Variants in HDAC4 observed in about 807,000 individuals in gnomAD.
The protein encoded by HDAC4 is histone deacetylase A.
In HDAC4, 16 loss-of-function variants were observed where a neutral mutation model predicts 135.1. That is an observed-to-expected ratio of 0.12 (90% CI 0.08 to 0.18). The LOEUF is 0.18. Among genes scored for constraint, HDAC4 ranks in the 10% least tolerant of loss-of-function variants. The probability of loss-of-function intolerance (pLI) is 1.00; values close to 1 mark genes in which losing one functional copy is unlikely to be tolerated. For synonymous variants in HDAC4, 685 were observed against 653.4 expected (o/e 1.05, Z -0.74); for missense variants, 1,143 against 1,511.8 (o/e 0.76, Z 4.05).
intron 1 of HDAC4, among the ~76,000 whole-genome samples, chr2:239,395,965 A>G (rs996129419): frequency 3.9e-5 from 6 of 152,138 alleles, no homozygotes; most frequent in African/African-American, 1.2e-4. Context: ...ATGTTTATAC[A>G]TTACATATAT....
chr2:239,151,278 T>C (rs2042102149), intron 7 of HDAC4, among the ~76,000 whole-genome samples: 1 of 152,182 alleles, frequency 6.6e-6, no homozygotes, highest in African/African-American at 2.4e-5. Context: ...AGCCATGAAG[T>C]GGATGCCCAC....
chr2:239,377,730 C>A lies in HDAC4; in HGVS notation c.-220+23248G>T, dbSNP rs1315205982. On this transcript the variant is annotated intron_variant, in intron 1 of 26. Transcript: ENST00000543185. ...ACCAGTATTATGTGCAGAGACCCAACGTGGTGAAAAGACCCCCAGGACCCT... is the reference window on the plus strand; with the variant it reads ...ACCAGTATTATGTGCAGAGACCCAAAGTGGTGAAAAGACCCCCAGGACCCT... Among the ~76,000 whole-genome samples, 3 of 152,292 alleles carry A rather than the reference C, an allele frequency of 2.0e-5. No homozygotes were observed. In the South Asian group the frequency reaches 6.2e-4, roughly 32 times the overall value.
chr2:239,177,526 G>A (rs1257577559), intron 4 of HDAC4, among the ~76,000 whole-genome samples: 8 of 152,222 alleles, frequency 5.3e-5, no homozygotes, highest in Admixed American at 4.6e-4. Flanking sequence ...ACGCCCCAGC[G>A]GGTGGAGTGT....
At chr2:239,124,134 G>A (rs2039925628) in intron 12 of HDAC4, among the ~76,000 whole-genome samples, 2 of 152,132 alleles carry the variant, frequency 1.3e-5, no homozygotes, top group South Asian at 4.1e-4. Context: ...TTTCTTCCTT[G>A]TAACAGCTTT....
At chr2:239,071,618 G>T (rs1052328008) in intron 22 of HDAC4, among the ~76,000 whole-genome samples, 1 of 151,926 alleles carries the variant, frequency 6.6e-6, no homozygotes, top group Non-Finnish European at 1.5e-5. Flanking sequence ...GCTGTGACTG[G>T]GCCACCTCTG....
chr2:239,286,461 G>C (rs1298769776), intron 2 of HDAC4, among the ~76,000 whole-genome samples: 1 of 152,168 alleles, frequency 6.6e-6, no homozygotes, highest in Non-Finnish European at 1.5e-5. Flanking sequence ...AAAGTCCAAG[G>C]AGAGTTGAAA....
chr2:239,064,148 T>G (rs555985970), intron 24 of HDAC4, among the ~76,000 whole-genome samples: 25 of 152,368 alleles, frequency 1.6e-4, no homozygotes, highest in African/African-American at 6.0e-4. Context: ...TTCCCTGGCC[T>G]GGAAAAGCTC....
chr2:239,209,976 C>T (rs1257672499), intron 3 of HDAC4, among the ~76,000 whole-genome samples: 1 of 152,128 alleles, frequency 6.6e-6, no homozygotes, highest in African/African-American at 2.4e-5. Context: ...GGTGGAGAGG[C>T]AGGGAGCGGG....
Position 239,141,142 on chromosome 2 carries a change from A to G in HDAC4, c.866-1346T>C, listed in dbSNP as rs1279431033. On this transcript the variant is annotated intron_variant, in intron 8 of 26. Coordinates refer to ENST00000543185, the MANE Select transcript of HDAC4 (RefSeq NM_001378414.1). This position sits in a 1 kb window ranked among gnomAD's most constrained non-coding sequence, Gnocchi z 4.9. ...GTCCCAGGCCACGTGGCTTGAGGGA[A>G]CTGTCATGGGCGTCTGCATACCAGA... Among the ~76,000 whole-genome samples the G allele has an allele frequency of 6.6e-6, 1 of 152,124 alleles. No homozygotes were observed. Among genetic ancestry groups the G allele is most frequent in the East Asian group, 1.9e-4 (1 of 5,164 alleles).
intron 2 of HDAC4, among the ~76,000 whole-genome samples, chr2:239,343,049 C>A (rs980342002): frequency 3.3e-5 from 5 of 152,192 alleles, no homozygotes; most frequent in African/African-American, 9.7e-5. Context: ...CCCACCAATG[C>A]GTATCACTCC....
In HDAC4 at chr2:239,095,047, G is replaced by A; in HGVS notation, c.2243C>T (p.Ala748Val). Reference protein sequence around the residue: ...LDSKKLLGSLASVFVRLPCGG... With the variant: ...LDSKKLLGSLVSVFVRLPCGG... The stretch of plus-strand genomic sequence containing the variant: ...GCAAGGGAGCCGGACGAACACGGAG[G>A]CGAGCGAGCCTGTGGGGGGGAGGGA... The change falls in exon 17 of 27, where the codon GCC becomes GTC. Residue 748 changes from alanine to valine, a missense_variant. This residue lies in a region of HDAC4 where 49 missense variants were observed against 55.6 expected (regional missense o/e 0.88). Transcript: ENST00000543185. 6.2e-7 allele frequency: 1 copy of A among 1,613,824 alleles called. No individual in the cohort carries two copies. Among genetic ancestry groups the A allele is most frequent in the South Asian group, 1.1e-5 (1 of 91,086 alleles).
At chr2:239,057,231 AAAAAT>A (rs2031992274) in intron 24 of HDAC4, among the ~76,000 whole-genome samples, 1 of 152,234 alleles carries the variant, frequency 6.6e-6, no homozygotes, top group Admixed American at 6.5e-5. Context: ...CAGACTATCC[AAAAAT>A]AAAAAGTTTA....
intron 8 of HDAC4, among the ~76,000 whole-genome samples, 170 bp downstream of exon 8, chr2:239,144,413 C>T (rs965890235): frequency 2.0e-5 from 3 of 152,198 alleles, no homozygotes; most frequent in Non-Finnish European, 2.9e-5. Context: ...GTCATCAAAC[C>T]TGGTCCCCTG....
At chr2:239,340,577 T>A (rs1245592342) in intron 2 of HDAC4, among the ~76,000 whole-genome samples, 1 of 152,194 alleles carries the variant, frequency 6.6e-6, no homozygotes. Context: ...TCAGATGGCC[T>A]CTGCACCTTA....
chr2:239,254,462 GA>G (rs1360837871), intron 2 of HDAC4, among the ~76,000 whole-genome samples: 5 of 151,570 alleles, frequency 3.3e-5, no homozygotes, highest in African/African-American at 1.2e-4. Context: ...TATCATGAAG[GA>G]AAAAAACCTG....
intron 3 of HDAC4, among the ~76,000 whole-genome samples, chr2:239,233,093 C>G (rs1182257561): frequency 6.6e-6 from 1 of 152,244 alleles, no homozygotes; most frequent in Non-Finnish European, 1.5e-5. Flanking sequence ...ATAATACTAA[C>G]AACATGTCTG....
rs144056872 is a variant in HDAC4, at chr2:239,159,588, C to A, written c.612-2815G>T. On this transcript the variant is annotated intron_variant, in intron 6 of 26. Coordinates refer to ENST00000543185, the MANE Select transcript of HDAC4 (RefSeq NM_001378414.1). Reference sequence around the variant, plus strand: ...CTCACACCTGTCACCTTTCCCACACCTCACACTCATACCCCACACTCACCT... The same window carrying A: ...CTCACACCTGTCACCTTTCCCACACATCACACTCATACCCCACACTCACCT... Among the ~76,000 whole-genome samples the A allele has an allele frequency of 4.2e-3, 644 of 151,746 alleles. 2 individuals carry two copies. The highest frequency in any genetic ancestry group is 0.031 in the Middle Eastern group (9 of 290).
In HDAC4 at chr2:239,126,586, C is replaced by T. The variant is rs2040204082; in HGVS notation, c.1403G>A (p.Gly468Glu). 1.2e-6 allele frequency: 2 copies of T among 1,613,884 alleles called. No individual in the cohort carries two copies. The highest frequency in any genetic ancestry group is 1.7e-6 in the Non-Finnish European group (2 of 1,179,994). Reference sequence around the variant, plus strand: ...GGGCAGCGGGGCCGACTGGGTCCGCCCCAGTGGGCGGTGCTGCCGCAGCTT... The same window carrying T: ...GGGCAGCGGGGCCGACTGGGTCCGCTCCAGTGGGCGGTGCTGCCGCAGCTT... Reference protein sequence around the residue: ...IHKLRQHRPLGRTQSAPLPQN... With the variant: ...IHKLRQHRPLERTQSAPLPQN... The change falls in exon 12 of 27, where the codon GGG becomes GAG. Residue 468 changes from glycine to glutamate, a missense_variant. Gly to Glu is a moderately conservative substitution (Grantham distance 98). This residue lies in a region of HDAC4 where 272 missense variants were observed against 309.7 expected (regional missense o/e 0.88). Transcript: ENST00000543185.
chr2:239,219,882 C>T (rs2046853571), intron 3 of HDAC4, among the ~76,000 whole-genome samples: 1 of 152,206 alleles, frequency 6.6e-6, no homozygotes, highest in African/African-American at 2.4e-5. Context: ...ACACAGAACA[C>T]ACAGAATGAA....
Sources: allele counts gnomAD v4.1 joint callset (sites outside exome capture counted in the v4.1 genomes callset), GRCh38; gene constraint gnomAD v4.1.1; regional missense constraint gnomAD v4.1.1; non-coding constraint Gnocchi (gnomAD v3.1); transcripts MANE v1.5; gene names NCBI Gene and HGNC (gene_info 2026-07-23, HGNC 2026-07-21).